Variants in VASN observed in about 807,000 individuals in gnomAD.
VASN encodes protein slit-like 2.
VASN carries 5 observed loss-of-function variants against 4.8 expected under a neutral mutation model. That is an observed-to-expected ratio of 1.03 (90% CI 0.54 to 2.17). VASN has a LOEUF of 2.17. VASN is among the 30% of genes most tolerant of loss of function. VASN has a pLI of 0.01. For missense variants in VASN, 927 were observed against 948.8 expected, an observed-to-expected ratio of 0.98 and a Z score of 0.30; for synonymous variants, 499 against 460.8, an observed-to-expected ratio of 1.08 and a Z score of -1.06.
intron 1 of VASN, among the ~76,000 whole-genome samples, chr16:4,379,798 T>C (rs1404304130): frequency 1.3e-5 from 2 of 150,842 alleles, no homozygotes; most frequent in East Asian, 3.9e-4. Context: ...ATCCCAGCAC[T>C]TTTGGAGGCT....
chr16:4,378,822 C>T (rs985767300), intron 1 of VASN, among the ~76,000 whole-genome samples: 3 of 151,970 alleles, frequency 2.0e-5, no homozygotes, highest in Non-Finnish European at 4.4e-5. Flanking sequence ...GGGGACACCG[C>T]TAGGTTGGGG....
intron 1 of VASN, among the ~76,000 whole-genome samples, chr16:4,375,031 C>T (rs1567265700): frequency 1.3e-5 from 2 of 152,080 alleles, no homozygotes; most frequent in South Asian, 2.1e-4. Context: ...CTGGACTGGC[C>T]CATTTCTAGT....
At chr16:4,372,363 G>A (rs1326590198) in intron 1 of VASN, among the ~76,000 whole-genome samples, 1 of 152,244 alleles carries the variant, frequency 6.6e-6, no homozygotes, top group Non-Finnish European at 1.5e-5. Context: ...ACAGGCTTGG[G>A]TCACTTTTCC....
Position 4,382,370 on chromosome 16 carries a change from A to G in VASN, c.1493A>G (p.Tyr498Cys), listed in dbSNP as rs770372960. 9.9e-6 allele frequency: 16 copies of G among 1,612,072 alleles called. No individual in the cohort carries two copies. The highest frequency in any genetic ancestry group is 8.8e-5 in the South Asian group (8 of 91,020). Reference sequence around the variant, plus strand: ...CAGCTCAGGAGCCTCCGTCTCACCTATCGCAACCTATCGGGCCCTGATAAG... The same window carrying G: ...CAGCTCAGGAGCCTCCGTCTCACCTGTCGCAACCTATCGGGCCCTGATAAG... ...SVQLRSLRLT[Y>C]RNLSGPDKRL... The change falls in exon 2 of 2, where the codon TAT becomes TGT. Residue 498 changes from tyrosine (Y) to cysteine (C), a missense_variant. By Grantham distance (194) the Tyr-to-Cys change is radical. Transcript: ENST00000304735.
At position 4,382,032 on chromosome 16, in the gene VASN, G is replaced by A. The variant is rs367946777; in HGVS notation, c.1155G>A (p.Pro385=). The A allele has an allele frequency of 1.1e-4, 176 of 1,596,086 alleles. No individual in the cohort carries two copies. Among genetic ancestry groups the A allele is most frequent in the South Asian group, 1.3e-4 (12 of 89,296 alleles). The change falls in exon 2 of 2, where the codon CCG becomes CCA. Residue 385 remains proline, a synonymous_variant. Coordinates refer to ENST00000304735, the MANE Select transcript of VASN (RefSeq NM_138440.3). The stretch of plus-strand genomic sequence containing the variant: ...CTACCTGGCTTAGCCCCACAGAGCC[G>A]GCCACTGAGGCCCCCAGCCCGCCCT... The part of the protein sequence containing the change: ...LAPTWLSPTE[P]ATEAPSPPST...
In VASN at chr16:4,380,907, G is replaced by A. The variant is rs753547103; in HGVS notation, c.30G>A (p.Pro10=). The A allele has an allele frequency of 3.3e-5, 52 of 1,558,376 alleles. No homozygotes were observed. In the East Asian group the frequency reaches 9.2e-4, roughly 28 times the overall value. MCSRVPLLL[P]LLLLLALGPG... is the part of the protein sequence containing the mutation. ...GCTCCAGGGTCCCTCTGCTGCTGCC[G>A]CTGCTCCTGCTACTGGCCCTGGGGC... The change falls in exon 2 of 2, where the codon CCG becomes CCA. Residue 10 remains proline, a synonymous_variant. Coordinates refer to ENST00000304735, the MANE Select transcript of VASN (RefSeq NM_138440.3).
Position 4,382,322 on chromosome 16 carries a change from G to A in VASN, c.1445G>A (p.Arg482His), listed in dbSNP as rs757268380. 4.0e-5 allele frequency: 64 copies of A among 1,611,012 alleles called. No homozygotes were observed. The highest frequency in any genetic ancestry group is 1.6e-4 in the Middle Eastern group (1 of 6,080). ...SPTSLRVGLQ[R>H]YLQGSSVQLR... ...ACCTCCCTGCGCGTGGGGCTGCAGC[G>A]CTACCTCCAGGGGAGCTCCGTGCAG... The change falls in exon 2 of 2, where the codon CGC becomes CAC. Residue 482 changes from arginine to histidine, a missense_variant. Coordinates refer to ENST00000304735, the MANE Select transcript of VASN (RefSeq NM_138440.3).
At chr16:4,377,702 C>A (rs970644076) in intron 1 of VASN, among the ~76,000 whole-genome samples, 1 of 152,174 alleles carries the variant, frequency 6.6e-6, no homozygotes, top group Non-Finnish European at 1.5e-5. Context: ...CCTGGCGGTG[C>A]CCTCAGAGCT....
At chr16:4,373,029 G>A (rs1288851592) in intron 1 of VASN, among the ~76,000 whole-genome samples, 1 of 152,160 alleles carries the variant, frequency 6.6e-6, no homozygotes, top group African/African-American at 2.4e-5. Flanking sequence ...GGGCATAGAG[G>A]GGTGGCCGGG....
At position 4,381,346 on chromosome 16, in the gene VASN, G is replaced by A. The variant is rs1274531956; in HGVS notation, c.469G>A (p.Asp157Asn). The A allele has an allele frequency of 1.8e-5, 29 of 1,606,034 alleles. No individual in the cohort carries two copies. Among genetic ancestry groups the A allele is most frequent in the Non-Finnish European group, 2.4e-5 (28 of 1,177,252 alleles). The change falls in exon 2 of 2, where the codon GAC (aspartate) becomes AAC (asparagine). Residue 157 changes from aspartate (D) to asparagine (N), a missense_variant. Asp to Asn is a conservative substitution (Grantham distance 23). Coordinates refer to ENST00000304735, the MANE Select transcript of VASN (RefSeq NM_138440.3). ...CCGCCTCCTGGAGCTCAAGCTGCAG[G>A]ACAACGAGCTGCGGGCACTGCCCCC... ...LDRLLELKLQ[D>N]NELRALPPLR...
rs752347697 is a variant in VASN at position 4,382,304 on chromosome 16, T to C, written c.1427T>C (p.Leu476Pro). The C allele has an allele frequency of 6.2e-7, 1 of 1,610,432 alleles. No individual in the cohort carries two copies. The highest frequency in any genetic ancestry group is 2.2e-5 in the East Asian group (1 of 44,786). ...LGIEPVSPTS[L>P]RVGLQRYLQG... is the part of the protein sequence containing the mutation. ...ATCGAGCCGGTGAGCCCCACCTCCC[T>C]GCGCGTGGGGCTGCAGCGCTACCTC... Residue 476 changes from leucine to proline, a missense_variant, in exon 2 of 2, where the codon CTG becomes CCG. Coordinates refer to ENST00000304735, the MANE Select transcript of VASN (RefSeq NM_138440.3).
At chr16:4,373,995 T>TGG (rs916725243) in intron 1 of VASN, among the ~76,000 whole-genome samples, 8 of 152,046 alleles carry the variant, frequency 5.3e-5, no homozygotes, top group African/African-American at 1.9e-4. Context: ...CTCCCTGGGC[T>TGG]GGGGAGCCCA....
Position 4,381,654 on chromosome 16 carries a change from C to T in VASN, c.777C>T (p.Asp259=). Residue 259 remains aspartate, a synonymous_variant, in exon 2 of 2, where the codon GAC becomes GAT. Coordinates refer to ENST00000304735, the MANE Select transcript of VASN (RefSeq NM_138440.3). ...GCATTGCCCAGCTGCGGCCCGAGGA[C>T]CTGGCCGGCCTGGCTGCCCTGCAGG... is the stretch of plus-strand genomic sequence containing the variant. ...NTRIAQLRPE[D]LAGLAALQEL... The T allele has an allele frequency of 6.2e-7, 1 of 1,602,772 alleles. No individual in the cohort carries two copies. Among genetic ancestry groups the T allele is most frequent in the Non-Finnish European group, 8.5e-7 (1 of 1,175,744 alleles).
At chr16:4,378,871 G>T (rs555346023) in intron 1 of VASN, among the ~76,000 whole-genome samples, 1 of 152,052 alleles carries the variant, frequency 6.6e-6, no homozygotes, top group Non-Finnish European at 1.5e-5. Flanking sequence ...GCTTGTTGTC[G>T]CTAACTGGCT....
rs1767243709 is a variant in VASN, at chr16:4,381,209, G to A, written c.332G>A (p.Arg111Lys). ...NLSNLDLTAN[R>K]LHEITNETFR... ...AGCAACCTGGACCTGACAGCCAACA[G>A]GCTGCATGAAATCACCAATGAGACC... is the stretch of plus-strand genomic sequence containing the variant. The change falls in exon 2 of 2, where the codon AGG becomes AAG. Residue 111 changes from arginine to lysine, a missense_variant. Transcript: ENST00000304735. 2.5e-6 allele frequency: 4 copies of A among 1,612,112 alleles called. No individual in the cohort carries two copies. The Admixed American group carries it at 5.0e-5, about 20-fold the overall frequency.
At position 4,382,910 on chromosome 16, in the gene VASN, GAC is replaced by G. The variant is rs774877419; in HGVS notation, c.*13_*14del. On this transcript the variant is annotated 3_prime_UTR_variant, in exon 2 of 2. Coordinates refer to ENST00000304735, the MANE Select transcript of VASN (RefSeq NM_138440.3). ...AAGCCCTACATCTAAGCCAGAGAGA[GAC>G]AGGGCAGCTGGGGCCGGGCTCTCAG... The G allele has an allele frequency of 3.4e-6, 5 of 1,492,162 alleles. No individual in the cohort carries two copies. Among genetic ancestry groups the G allele is most frequent in the Non-Finnish European group, 4.5e-6 (5 of 1,121,738 alleles). 92.4% of individuals were successfully genotyped at this position (1,492,162 alleles called of 1,614,324 possible).
chr16:4,372,904 C>T (rs2141219356), intron 1 of VASN, among the ~76,000 whole-genome samples: 1 of 152,286 alleles, frequency 6.6e-6, no homozygotes, highest in East Asian at 1.9e-4. Context: ...AGGTGAGGCT[C>T]TGGAGAGAGG....
At position 4,381,200 on chromosome 16, in the gene VASN, CA is replaced by C; in HGVS notation, c.324del (p.Ala109ProfsTer126). 6.2e-7 allele frequency: 1 copy of C among 1,612,198 alleles called. No individual in the cohort carries two copies. The highest frequency in any genetic ancestry group is 8.5e-7 in the Non-Finnish European group (1 of 1,179,544). On this transcript the variant is annotated frameshift_variant, in exon 2 of 2. Transcript: ENST00000304735. LOFTEE classifies it low-confidence loss of function (END_TRUNC). The stretch of plus-strand genomic sequence containing the variant: ...GCCAACCTCAGCAACCTGGACCTGA[CA>C]GCCAACAGGCTGCATGAAATCACCA... ...PLANLSNLDL[T>X]ANRLHEITNE...
chr16:4,376,975 C>T (rs1001863497), intron 1 of VASN, among the ~76,000 whole-genome samples: 4 of 152,158 alleles, frequency 2.6e-5, no homozygotes, highest in South Asian at 2.1e-4. Context: ...GAATGTTTAC[C>T]GACCACTTGG....
Sources: allele counts gnomAD v4.1 joint callset (sites outside exome capture counted in the v4.1 genomes callset), GRCh38; gene constraint gnomAD v4.1.1; transcripts MANE v1.5; gene names NCBI Gene and HGNC (gene_info 2026-07-23, HGNC 2026-07-21).